The following ZFPM2 variants were observed in gnomAD, a reference collection of about 807,000 sequenced individuals.
The protein encoded by ZFPM2 is zinc finger protein ZFPM2.
A neutral mutation model predicts 98.6 loss-of-function variants in ZFPM2; 20 were observed. That is an observed-to-expected ratio of 0.20 (90% CI 0.14 to 0.29). The LOEUF (loss-of-function observed/expected upper bound fraction) is 0.29. Among genes scored for constraint, ZFPM2 ranks in the 10% least tolerant of loss-of-function variants. The pLI is 1.00. For missense variants in ZFPM2, 1,310 were observed against 1,388.6 expected, an observed-to-expected ratio of 0.94 and a Z score of 0.90; for synonymous variants, 518 against 502.7, an observed-to-expected ratio of 1.03 and a Z score of -0.41.
At chr8:105,425,835 C>A (rs761641357) in intron 2 of ZFPM2, among the ~76,000 whole-genome samples, 6 of 152,136 alleles carry the variant, frequency 3.9e-5, no homozygotes, top group Non-Finnish European at 5.9e-5. Flanking sequence ...GTCTTAATAA[C>A]GAAAAGAATG....
intron 3 of ZFPM2, among the ~76,000 whole-genome samples, chr8:105,560,184 AAAAG>A (rs1012362224): frequency 1.3e-3 from 81 of 60,088 alleles, no homozygotes; most frequent in African/African-American, 7.1e-3. Flanking sequence ...AAAAAAAAAA[AAAAG>A]AAAGAAAATA....
chr8:105,666,771 T>G (rs76275271), intron 5 of ZFPM2, among the ~76,000 whole-genome samples: 6,636 of 150,088 alleles, frequency 0.044, 207 homozygotes, highest in Middle Eastern at 0.14. Flanking sequence ...TGGTACAAAA[T>G]TGTTCTAAAA....
In ZFPM2 at chr8:105,434,011, C is replaced by A. The variant is rs193256968; in HGVS notation, c.200-10269C>A. Reference sequence around the variant, plus strand: ...AGATAGGAAAGCCCCAAATAAGTTACAAAGAAGTCACATGCATTTTTAAAA... The same window carrying A: ...AGATAGGAAAGCCCCAAATAAGTTAAAAAGAAGTCACATGCATTTTTAAAA... On this transcript the variant is annotated intron_variant, in intron 2 of 7. Coordinates refer to ENST00000407775, the MANE Select transcript of ZFPM2 (RefSeq NM_012082.4). Among the ~76,000 whole-genome samples the A allele has an allele frequency of 3.8e-3, 580 of 152,178 alleles. 6 individuals carry two copies. Among genetic ancestry groups the A allele is most frequent in the African/African-American group, 0.013 (534 of 41,512 alleles).
intron 1 of ZFPM2, among the ~76,000 whole-genome samples, chr8:105,370,653 G>A (rs1938400485): frequency 6.6e-6 from 1 of 152,210 alleles, no homozygotes; most frequent in East Asian, 1.9e-4. Context: ...TAAGTCAAGA[G>A]CAAGTGCACC....
intron 1 of ZFPM2, among the ~76,000 whole-genome samples, chr8:105,328,845 C>A (rs1236614727): frequency 6.6e-6 from 1 of 151,814 alleles, no homozygotes; most frequent in Non-Finnish European, 1.5e-5. Flanking sequence ...TTGACTTGTA[C>A]ATAAGTACTC....
chr8:105,494,879 A>G (rs75224161), intron 3 of ZFPM2, among the ~76,000 whole-genome samples: 6,844 of 152,298 alleles, frequency 0.045, 530 homozygotes, highest in African/African-American at 0.15. Flanking sequence ...TGGTTCTTAT[A>G]TAATGAAACA....
intron 1 of ZFPM2, among the ~76,000 whole-genome samples, chr8:105,327,179 A>G (rs1812130829): frequency 6.6e-6 from 1 of 151,604 alleles, no homozygotes; most frequent in Admixed American, 6.6e-5. Flanking sequence ...ACATCTGTAT[A>G]ATATTGCATA....
At chr8:105,377,131 C>T (rs572387103) in intron 1 of ZFPM2, among the ~76,000 whole-genome samples, 1 of 152,114 alleles carries the variant, frequency 6.6e-6, no homozygotes, top group African/African-American at 2.4e-5. Flanking sequence ...ATTGTATGGT[C>T]ATTCCTTCTT....
rs181241520 is a variant in ZFPM2 at position 105,718,846 on chromosome 8, A to T, written c.533-69872A>T. Among the ~76,000 whole-genome samples the T allele has an allele frequency of 3.9e-4, 59 of 151,908 alleles. 1 individual carries two copies. The highest frequency in any genetic ancestry group is 1.3e-3 in the African/African-American group (52 of 41,478). ...GTCTCATTTCATTATGTTTGAGTAG[A>T]CCCTCTTTCACATATATTTTCTTAT... On this transcript the variant is annotated intron_variant, in intron 5 of 7. Coordinates refer to ENST00000407775, the MANE Select transcript of ZFPM2 (RefSeq NM_012082.4).
At chr8:105,473,517 G>A (rs530465973) in intron 3 of ZFPM2, among the ~76,000 whole-genome samples, 2 of 152,228 alleles carry the variant, frequency 1.3e-5, no homozygotes, top group South Asian at 4.1e-4. Flanking sequence ...TAAATATTTA[G>A]TGATTCGAGA....
intron 2 of ZFPM2, among the ~76,000 whole-genome samples, chr8:105,439,518 A>G (rs1320740750): frequency 6.6e-6 from 1 of 152,196 alleles, no homozygotes; most frequent in Non-Finnish European, 1.5e-5. Context: ...AACTGCTTCA[A>G]TCTGCCACCC....
intron 5 of ZFPM2, among the ~76,000 whole-genome samples, chr8:105,729,558 A>G (rs1189425087): frequency 2.6e-5 from 4 of 151,720 alleles, no homozygotes; most frequent in Non-Finnish European, 5.9e-5. Flanking sequence ...TAAAGCCATA[A>G]TTGTCTGTAC....
intron 2 of ZFPM2, among the ~76,000 whole-genome samples, chr8:105,422,899 A>G (rs1267197433): frequency 6.6e-6 from 1 of 152,204 alleles, no homozygotes; most frequent in East Asian, 1.9e-4. Context: ...GACATAGCTT[A>G]TTATAAAGTT....
At chr8:105,787,088 T>C (rs1319359289) in intron 5 of ZFPM2, 6 of 152,212 alleles carry the variant, frequency 3.9e-5, no homozygotes, top group Admixed American at 2.6e-4. Context: ...TTGCAAGTAG[T>C]TTGGATCTGA....
intron 5 of ZFPM2, among the ~76,000 whole-genome samples, chr8:105,713,038 TG>T (rs1172356017): frequency 6.6e-6 from 1 of 152,064 alleles, no homozygotes; most frequent in Non-Finnish European, 1.5e-5. Flanking sequence ...TATTTTCCTT[TG>T]GGTATATATC....
At chr8:105,775,281 G>A (rs1813076854) in intron 5 of ZFPM2, among the ~76,000 whole-genome samples, 3 of 151,948 alleles carry the variant, frequency 2.0e-5, no homozygotes, top group Non-Finnish European at 4.4e-5. Context: ...CCTCTGCAGA[G>A]CAGCAGGCAG....
chr8:105,349,219 G>A (rs967702924), intron 1 of ZFPM2, among the ~76,000 whole-genome samples: 7 of 151,924 alleles, frequency 4.6e-5, no homozygotes, highest in African/African-American at 9.7e-5. Context: ...GAAGCTATTC[G>A]GGCTTGTATT....
chr8:105,526,256 A>G (rs149683386), intron 3 of ZFPM2, among the ~76,000 whole-genome samples: 3 of 152,226 alleles, frequency 2.0e-5, no homozygotes, highest in Non-Finnish European at 4.4e-5. Flanking sequence ...ATACAAAATC[A>G]TTCCCTCCAG....
At chr8:105,549,033 G>A (rs1462599276) in intron 3 of ZFPM2, among the ~76,000 whole-genome samples, 1 of 152,086 alleles carries the variant, frequency 6.6e-6, no homozygotes, top group Admixed American at 6.6e-5. Context: ...GCTATTGTAG[G>A]TCTATTGATC....
Sources: allele counts gnomAD v4.1 joint callset (sites outside exome capture counted in the v4.1 genomes callset), GRCh38; gene constraint gnomAD v4.1.1; transcripts MANE v1.5; gene names NCBI Gene and HGNC (gene_info 2026-07-23, HGNC 2026-07-21).